Variants in DST observed in about 807,000 individuals in gnomAD.
The protein encoded by DST is bullous pemphigoid antigen.
DST carries 253 observed loss-of-function variants against 875.2 expected under a neutral mutation model. That is an observed-to-expected ratio of 0.29 (90% CI 0.26 to 0.32). The LOEUF (loss-of-function observed/expected upper bound fraction) is 0.32. Among genes scored for constraint, DST ranks in the 10% least tolerant of loss-of-function variants. The pLI, the probability that DST is intolerant of heterozygous loss-of-function variation, is 1.00. For synonymous variants in DST, 3,124 were observed against 3,197.1 expected (o/e 0.98, Z 0.77); for missense variants, 8,287 against 9,111.6 (o/e 0.91, Z 3.68).
At chr6:56,911,419 T>C (rs1365035807) in intron 2 of DST, among the ~76,000 whole-genome samples, 1 of 152,118 alleles carries the variant, frequency 6.6e-6, no homozygotes, top group African/African-American at 2.4e-5. Flanking sequence ...TCATGGAAAC[T>C]GTGTGCCTCT....
rs917085991 is a variant in DST, at chr6:56,578,668, T to C, written c.13027+146A>G. The C allele has an allele frequency of 7.4e-5, 58 of 780,732 alleles. No individual in the cohort carries two copies. In the African/African-American group the frequency reaches 9.4e-4, roughly 13 times the overall value. 48.4% of individuals were successfully genotyped at this position (780,732 alleles called of 1,614,324 possible). On this transcript the variant is annotated intron_variant, in intron 50 of 103. Coordinates refer to ENST00000680361, the MANE Select transcript of DST (RefSeq NM_001374736.1). ...TATACCTGCCAAAGAAGGCATGCCT[T>C]TTCCCAGATGCAGGAACACCATTTC...
chr6:56,755,366 C>T (rs1413491530), intron 4 of DST, among the ~76,000 whole-genome samples: 1 of 152,058 alleles, frequency 6.6e-6, no homozygotes, highest in Non-Finnish European at 1.5e-5. Context: ...AGCAGAAATA[C>T]ACAAATGGAA....
intron 9 of DST, among the ~76,000 whole-genome samples, chr6:56,676,204 C>G (rs757218672): frequency 7.2e-5 from 11 of 152,162 alleles, no homozygotes; most frequent in Admixed American, 1.3e-4. Context: ...GTAACTGGCA[C>G]TACAGGTGCC....
rs1043745825 is a variant in DST at position 56,458,757 on chromosome 6, G to A, written c.*248C>T. 2.3e-5 allele frequency: 8 copies of A among 347,708 alleles called. No homozygotes were observed. In the Admixed American group the frequency reaches 3.1e-4, roughly 13 times the overall value. The allele number at this position is 347,708 out of a possible 1,614,324, so 21.5% of individuals were successfully genotyped here. ...ACTGAGTTTAGTGTGTGCCCGGCAC[G>A]TTACAGTGCAGAAATGTTAGTTCAT... On this transcript the variant is annotated 3_prime_UTR_variant, in exon 104 of 104. Coordinates refer to ENST00000680361, the MANE Select transcript of DST (RefSeq NM_001374736.1).
chr6:56,701,567 C>T (rs2099307564), intron 8 of DST, among the ~76,000 whole-genome samples: 1 of 152,050 alleles, frequency 6.6e-6, no homozygotes, highest in Non-Finnish European at 1.5e-5. Flanking sequence ...TGTTCATAGG[C>T]ATTCTTAACA....
At chr6:56,669,921 T>A (rs1470652118) in intron 10 of DST, among the ~76,000 whole-genome samples, 1 of 152,192 alleles carries the variant, frequency 6.6e-6, no homozygotes, top group Non-Finnish European at 1.5e-5. Context: ...ACCAGGAAAC[T>A]ATTTACCACC....
At chr6:56,488,305 A>G (rs115382521) in intron 86 of DST, among the ~76,000 whole-genome samples, 3,839 of 152,326 alleles carry the variant, frequency 0.025, 73 homozygotes, top group Non-Finnish European at 0.043. Flanking sequence ...AGGACTCTCT[A>G]ACTTTAATAT....
chr6:56,748,838 C>T (rs2152949257), intron 4 of DST, among the ~76,000 whole-genome samples: 2 of 152,278 alleles, frequency 1.3e-5, no homozygotes, highest in South Asian at 4.1e-4. Context: ...GTGAATCAAA[C>T]CCATACAGTC....
At chr6:56,479,315 C>T (rs973581027) in intron 90 of DST, among the ~76,000 whole-genome samples, 6 of 152,136 alleles carry the variant, frequency 3.9e-5, no homozygotes, top group Non-Finnish European at 7.4e-5. Flanking sequence ...CGTGCTTATA[C>T]ACTGTTGGTG....
intron 2 of DST, among the ~76,000 whole-genome samples, chr6:56,949,633 T>C (rs1419718973): frequency 2.6e-5 from 4 of 152,200 alleles, no homozygotes; most frequent in Non-Finnish European, 5.9e-5. Flanking sequence ...TGAAAAATAA[T>C]TGGGTGACAC....
rs755135300 is a variant in DST at position 56,617,142 on chromosome 6, T to G, written c.4930-2658A>C. On this transcript the variant is annotated intron_variant, in intron 36 of 103. Coordinates refer to ENST00000680361, the MANE Select transcript of DST (RefSeq NM_001374736.1). ...AGTCGCAGCTGCTCAATTGTTCTCATGTCCAGAAGCTTAGCTTCCACCAAC... is the reference window on the plus strand; with the variant it reads ...AGTCGCAGCTGCTCAATTGTTCTCAGGTCCAGAAGCTTAGCTTCCACCAAC... The G allele has an allele frequency of 5.0e-6, 8 of 1,605,640 alleles. No homozygotes were observed. In the East Asian group the frequency reaches 1.3e-4, roughly 27 times the overall value.
chr6:56,600,835 CTAAT>C (rs975830516), intron 44 of DST, among the ~76,000 whole-genome samples: 1 of 152,056 alleles, frequency 6.6e-6, no homozygotes, highest in Non-Finnish European at 1.5e-5. Flanking sequence ...TATGTATACA[CTAAT>C]TATTCATCTT....
chr6:56,542,615 C>G (rs2097149058), intron 61 of DST: 1 of 152,232 alleles, frequency 6.6e-6, no homozygotes, highest in South Asian at 2.1e-4. Context: ...GAAACTGAAC[C>G]AAGTTCTGTG....
chr6:56,619,262 T>C (rs138185589), intron 36 of DST: 3 of 1,613,240 alleles, frequency 1.9e-6, no homozygotes, highest in Admixed American at 1.7e-5. Flanking sequence ...CTGAATTCTC[T>C]GCATCATTAA....
At chr6:56,772,159 G>C (rs551312721) in intron 4 of DST, among the ~76,000 whole-genome samples, 2 of 152,064 alleles carry the variant, frequency 1.3e-5, no homozygotes, top group Non-Finnish European at 2.9e-5. Context: ...TTTAAAATAG[G>C]TATATTTTTA....
intron 79 of DST, 121 bp downstream of exon 79, chr6:56,501,399 C>A (rs2096119338): frequency 1.8e-6 from 2 of 1,140,120 alleles, no homozygotes; most frequent in Non-Finnish European, 2.4e-6. Context: ...TGACGCTCCT[C>A]ATGGTTAAAA....
chr6:56,824,805 T>C (rs1375045545), intron 4 of DST, among the ~76,000 whole-genome samples: 4 of 145,882 alleles, frequency 2.7e-5, no homozygotes, highest in South Asian at 2.2e-4. Flanking sequence ...AGCCCCTCCG[T>C]CCGGCAGCCG....
chr6:56,800,360 T>C (rs2099745256), intron 4 of DST, among the ~76,000 whole-genome samples: 1 of 152,264 alleles, frequency 6.6e-6, no homozygotes, highest in African/African-American at 2.4e-5. Context: ...ATTGATATAA[T>C]TCTAGTTCAT....
chr6:56,484,956 GA>G (rs2095513898), intron 88 of DST: 1 of 193,976 alleles, frequency 5.2e-6, no homozygotes, highest in Non-Finnish European at 1.1e-5. Flanking sequence ...GTCACTGAAT[GA>G]ATGATTTTAA....
Sources: allele counts gnomAD v4.1 joint callset (sites outside exome capture counted in the v4.1 genomes callset), GRCh38; gene constraint gnomAD v4.1.1; transcripts MANE v1.5; gene names NCBI Gene and HGNC (gene_info 2026-07-23, HGNC 2026-07-21).